Variants in SGCD observed in about 807,000 individuals in gnomAD.
The protein encoded by SGCD is delta-sarcoglycan.
In SGCD, 18 loss-of-function variants were observed where a neutral mutation model predicts 36.6. That is an observed-to-expected ratio of 0.49 (90% CI 0.34 to 0.73). The LOEUF is 0.73. Ranked by LOEUF, SGCD falls within the 30% of genes least tolerant of loss-of-function variation. SGCD has a pLI of 0.01. For missense variants in SGCD, 387 were observed against 346.7 expected, an observed-to-expected ratio of 1.12 and a Z score of -0.92; for synonymous variants, 133 against 130.6, an observed-to-expected ratio of 1.02 and a Z score of -0.12.
chr5:156,206,796 A>G (rs1764292049), intron 3 of SGCD, among the ~76,000 whole-genome samples: 1 of 152,058 alleles, frequency 6.6e-6, no homozygotes, highest in East Asian at 1.9e-4. Context: ...GGCATAGAGC[A>G]TATAGAATAT....
At chr5:156,117,265 A>C (rs1407709725) in intron 1 of SGCD, among the ~76,000 whole-genome samples, 1 of 151,980 alleles carries the variant, frequency 6.6e-6, no homozygotes, top group East Asian at 1.9e-4. Context: ...TCATCCTCCT[A>C]AAACCCTTGT....
chr5:156,622,435 A>T (rs377472260), intron 6 of SGCD, among the ~76,000 whole-genome samples: 43 of 137,072 alleles, frequency 3.1e-4, no homozygotes, highest in Admixed American at 2.7e-3. Context: ...TCTGTCTAAA[A>T]AATAATAATA....
intron 3 of SGCD, among the ~76,000 whole-genome samples, chr5:156,413,873 G>A (rs1580953446): frequency 6.6e-6 from 1 of 152,118 alleles, no homozygotes; most frequent in African/African-American, 2.4e-5. Flanking sequence ...AGTAGCAAGT[G>A]TCTTCACAAA....
At chr5:156,003,040 C>T (rs1758693841) in intron 1 of SGCD, among the ~76,000 whole-genome samples, 1 of 152,200 alleles carries the variant, frequency 6.6e-6, no homozygotes. Context: ...GGGGTCTTCA[C>T]CGGAGAGCCT....
chr5:156,318,183 G>A (rs1229812297), intron 3 of SGCD, among the ~76,000 whole-genome samples: 2 of 152,258 alleles, frequency 1.3e-5, no homozygotes, highest in African/African-American at 2.4e-5. Context: ...TTTAAATTTA[G>A]CATGAGAAAT....
intron 1 of SGCD, among the ~76,000 whole-genome samples, chr5:155,992,006 C>T (rs1308779655): frequency 2.0e-5 from 3 of 152,216 alleles, no homozygotes; most frequent in Non-Finnish European, 2.9e-5. Context: ...TGATGCATCA[C>T]TTTTCTTCCT....
chr5:155,827,210 G>A, the SGCD span, among the ~76,000 whole-genome samples: 1 of 152,150 alleles, frequency 6.6e-6, no homozygotes, highest in African/African-American at 2.4e-5. Flanking sequence ...TTATATTTAG[G>A]TGCTAGTAAC....
chr5:156,496,399 TTCTTGGATGGC>T (rs1756188112), intron 3 of SGCD, among the ~76,000 whole-genome samples: 1 of 152,122 alleles, frequency 6.6e-6, no homozygotes, highest in South Asian at 2.1e-4. Flanking sequence ...CCTAACTGTT[TTCTTGGATGGC>T]CAGCAAGCAG....
chr5:155,944,784 G>C (rs1273917457), intron 1 of SGCD, among the ~76,000 whole-genome samples: 1 of 151,960 alleles, frequency 6.6e-6, no homozygotes, highest in African/African-American at 2.4e-5. Flanking sequence ...TCCAACTTCG[G>C]GTCATATTTT....
chr5:156,562,340 T>C (rs971386355), intron 4 of SGCD, among the ~76,000 whole-genome samples: 1 of 152,006 alleles, frequency 6.6e-6, no homozygotes, highest in Non-Finnish European at 1.5e-5. Context: ...CAGTGGCCAT[T>C]TAAGCAAGCA....
chr5:156,053,047 G>A (rs1561697982), intron 1 of SGCD, among the ~76,000 whole-genome samples: 2 of 146,486 alleles, frequency 1.4e-5, no homozygotes, highest in South Asian at 4.3e-4. Flanking sequence ...CAAGGTTATT[G>A]GAGCCCCTGA....
chr5:156,024,281 T>C (rs941997862), intron 1 of SGCD, among the ~76,000 whole-genome samples: 1 of 151,292 alleles, frequency 6.6e-6, no homozygotes, highest in African/African-American at 2.4e-5. Flanking sequence ...AGGAAGAAAA[T>C]AGAGTGTAAA....
At chr5:156,311,290 T>C (rs1189192601) in intron 3 of SGCD, among the ~76,000 whole-genome samples, 1 of 152,166 alleles carries the variant, frequency 6.6e-6, no homozygotes, top group African/African-American at 2.4e-5. Flanking sequence ...GCCATAGATA[T>C]GCTATGAAAG....
At chr5:156,577,016 G>T (rs1197538394) in intron 4 of SGCD, among the ~76,000 whole-genome samples, 1 of 152,100 alleles carries the variant, frequency 6.6e-6, no homozygotes, top group Non-Finnish European at 1.5e-5. Flanking sequence ...GAATCGTATT[G>T]CCTAGGTTTT....
chr5:156,008,358 C>T (rs1408802970), intron 1 of SGCD, among the ~76,000 whole-genome samples: 5 of 152,002 alleles, frequency 3.3e-5, no homozygotes, highest in African/African-American at 1.2e-4. Context: ...TGTCTTCTTT[C>T]TTTCTTCCTC....
rs577039119 is a variant in SGCD at position 156,025,578 on chromosome 5, C to A, written c.-281-92300C>A. Among the ~76,000 whole-genome samples, 208 of 152,312 alleles carry A rather than the reference C, an allele frequency of 1.4e-3. 1 individual carries two copies. Among genetic ancestry groups the A allele is most frequent in the Non-Finnish European group, 2.6e-3 (178 of 68,028 alleles). ...ATAGCACTTTTTATTCATGGAGCAT[C>A]TTAGAGCACTACTATTCTATGGGCC... On this transcript the variant is annotated intron_variant, in intron 1 of 9. Coordinates refer to the SGCD transcript ENST00000517913.
At chr5:156,513,286 T>C (rs776693423) in intron 4 of SGCD, among the ~76,000 whole-genome samples, 11 of 152,166 alleles carry the variant, frequency 7.2e-5, no homozygotes, top group Non-Finnish European at 1.3e-4. Flanking sequence ...AGGCAACCAA[T>C]AGGATCTGCC....
intron 3 of SGCD, among the ~76,000 whole-genome samples, chr5:156,197,044 G>A (rs952857733): frequency 6.6e-6 from 1 of 152,054 alleles, no homozygotes; most frequent in African/African-American, 2.4e-5. Flanking sequence ...AATGGCCATT[G>A]CTTATTTAAA....
intron 3 of SGCD, among the ~76,000 whole-genome samples, chr5:156,368,957 A>G (rs1396728581): frequency 6.6e-6 from 1 of 152,232 alleles, no homozygotes. Flanking sequence ...TCCTGAAACC[A>G]TCCCCTGCAA....
Sources: gnomAD v4.1 joint callset for allele counts (sites outside exome capture counted in the v4.1 genomes callset) on GRCh38, gnomAD v4.1.1 for gene constraint, MANE v1.5 for transcripts, NCBI Gene and HGNC (gene_info 2026-07-23, HGNC 2026-07-21) for gene names.